PREX1: variants seen among roughly 807,000 people sequenced by gnomAD.
PREX1 encodes phosphatidylinositol-3,4,5-trisphosphate dependent Rac exchange factor 1, also known as phosphatidylinositol 3,4,5-trisphosphate-dependent Rac exchanger 1 protein.
PREX1 carries 41 observed loss-of-function variants against 198.3 expected under a neutral mutation model. That is an observed-to-expected ratio of 0.21 (90% CI 0.16 to 0.27). PREX1 has a LOEUF of 0.27. Among genes scored for constraint, PREX1 ranks in the 10% least tolerant of loss-of-function variants. The probability of loss-of-function intolerance (pLI) is 1.00; values close to 1 mark genes in which losing one functional copy is unlikely to be tolerated. For synonymous variants in PREX1, 843 were observed against 887.2 expected (o/e 0.95, Z 0.89); for missense variants, 1,620 against 2,200.7 (o/e 0.74, Z 5.28).
chr20:48,676,478 C>T (rs1424132014), intron 13 of PREX1, among the ~76,000 whole-genome samples: 1 of 152,218 alleles, frequency 6.6e-6, no homozygotes, highest in African/African-American at 2.4e-5. Flanking sequence ...CTCCTTCCAC[C>T]TACAGAGTGG....
intron 15 of PREX1, among the ~76,000 whole-genome samples, chr20:48,661,468 T>TATATATATATATATATACATATACAC (rs1373152651): frequency 2.0e-4 from 15 of 76,790 alleles, no homozygotes; most frequent in African/African-American, 1.5e-3. Context: ...TATATATATA[T>TATATATATATATATATACATATACAC]ACACACACAT....
intron 2 of PREX1, 69 bp downstream of exon 2, chr20:48,747,740 C>G: frequency 6.7e-7 from 1 of 1,489,446 alleles, no homozygotes; most frequent in Admixed American, 1.8e-5. Flanking sequence ...CTCTGAGCAT[C>G]GCACGGGAAG....
chr20:48,734,684 G>C (rs373692987), intron 3 of PREX1, 34 bp from the exon 4 acceptor site: 1 of 1,595,794 alleles, frequency 6.3e-7, no homozygotes, highest in African/African-American at 1.3e-5. Flanking sequence ...TGGGAGGCAG[G>C]TCATGGTAGC....
chr20:48,632,739 G>A lies in PREX1; in HGVS notation c.4268-100C>T, dbSNP rs566834761. ...AACAGCTGGCACCTCCCTGCCCCCA[G>A]GTCCAGGGGGGCACCCTGGGACCTC... On this transcript the variant is annotated intron_variant, in intron 33 of 39. Transcript: ENST00000371941. The A allele has an allele frequency of 7.3e-4, 975 of 1,337,006 alleles. 2 individuals are homozygous for A. The highest frequency in any genetic ancestry group is 1.5e-3 in the South Asian group (113 of 77,924). 82.8% of individuals were successfully genotyped at this position (1,337,006 alleles called of 1,614,324 possible).
At chr20:48,633,527 C>A (rs1055014661) in intron 33 of PREX1, among the ~76,000 whole-genome samples, 1 of 152,282 alleles carries the variant, frequency 6.6e-6, no homozygotes, top group Non-Finnish European at 1.5e-5. Flanking sequence ...CCTAATTAAA[C>A]CCACATGCCT....
intron 15 of PREX1, among the ~76,000 whole-genome samples, chr20:48,661,541 G>GTA (rs1304642368): frequency 1.6e-4 from 20 of 122,566 alleles, no homozygotes; most frequent in African/African-American, 2.5e-4. Flanking sequence ...GTGTGTGTGT[G>GTA]TGTATATATA....
At chr20:48,815,122 T>G (rs1282020959) in intron 1 of PREX1, among the ~76,000 whole-genome samples, 1 of 152,028 alleles carries the variant, frequency 6.6e-6, no homozygotes, top group East Asian at 1.9e-4. Context: ...CAAGAGAACT[T>G]TAAAATGCAA....
chr20:48,766,967 G>T (rs1006887757), intron 1 of PREX1, among the ~76,000 whole-genome samples: 4 of 152,200 alleles, frequency 2.6e-5, no homozygotes, highest in Non-Finnish European at 4.4e-5. Flanking sequence ...AATGATTTCA[G>T]ATGACTGATT....
intron 39 of PREX1, among the ~76,000 whole-genome samples, chr20:48,626,975 G>C (rs2089277692): frequency 6.6e-6 from 1 of 152,140 alleles, no homozygotes; most frequent in African/African-American, 2.4e-5. Context: ...TGAAGAGAGG[G>C]CAGGGTGGGA....
intron 38 of PREX1, 108 bp downstream of exon 38, chr20:48,627,753 G>T: frequency 1.4e-6 from 2 of 1,386,850 alleles, no homozygotes; most frequent in Non-Finnish European, 2.0e-6. Context: ...TTCAGAGAAG[G>T]CTCAGGTCTG....
chr20:48,872,990 T>C, the PREX1 span, among the ~76,000 whole-genome samples: 1 of 152,202 alleles, frequency 6.6e-6, no homozygotes, highest in Non-Finnish European at 1.5e-5. Flanking sequence ...AATAACACCA[T>C]GTACCAGTCA....
At chr20:48,704,059 T>A (rs945571666) in intron 6 of PREX1, among the ~76,000 whole-genome samples, 3 of 152,182 alleles carry the variant, frequency 2.0e-5, no homozygotes, top group African/African-American at 7.2e-5. Context: ...GGCGGCCACA[T>A]GCCACGCACT....
At chr20:48,747,665 C>G (rs1311674418) in intron 2 of PREX1, 144 bp downstream of exon 2, 3 of 871,000 alleles carry the variant, frequency 3.4e-6, no homozygotes, top group East Asian at 5.5e-5. Flanking sequence ...AGGGAGCAAG[C>G]TGGGGCAGGG....
At chr20:48,628,081 C>G in intron 37 of PREX1, 118 bp from the exon 38 acceptor site, 1 of 722,550 alleles carries the variant, frequency 1.4e-6, no homozygotes, top group Non-Finnish European at 2.3e-6. Context: ...CCTCCGAGGC[C>G]TCCCAGACCC....
chr20:48,817,272 C>A (rs544484248), intron 1 of PREX1, among the ~76,000 whole-genome samples: 1 of 152,334 alleles, frequency 6.6e-6, no homozygotes, highest in East Asian at 1.9e-4. Flanking sequence ...TCCCAACTGC[C>A]TTCAGAGTGC....
intron 31 of PREX1, 100 bp downstream of exon 31, chr20:48,637,611 C>G (rs1205338728): frequency 1.6e-6 from 2 of 1,239,846 alleles, no homozygotes; most frequent in East Asian, 5.2e-5. Flanking sequence ...CAGGCCAAAG[C>G]GTTGCCTCCC....
intron 29 of PREX1, among the ~76,000 whole-genome samples, chr20:48,640,493 C>T (rs1036324415): frequency 4.6e-5 from 7 of 152,192 alleles, no homozygotes; most frequent in African/African-American, 1.7e-4. Context: ...GCTGTTTCTG[C>T]TTTCTGAGGT....
Position 48,708,408 on chromosome 20 carries a change from C to G in PREX1, c.635G>C (p.Arg212Thr). The G allele has an allele frequency of 6.2e-7, 1 of 1,614,126 alleles. No homozygotes were observed. The highest frequency in any genetic ancestry group is 8.5e-7 in the Non-Finnish European group (1 of 1,180,012). ...YPLLLKELAKRTPGKHPDHPA... is the reference protein window; with the variant it reads ...YPLLLKELAKTTPGKHPDHPA... ...GTGGTCTGGGTGCTTGCCGGGAGTC[C>G]TCTTGGCCAGCTCCTGGGGTAGAAT... The change falls in exon 6 of 40, where the codon AGG (arginine) becomes ACG (threonine). Residue 212 changes from arginine (R) to threonine (T), a missense_variant. Transcript: ENST00000371941.
intron 5 of PREX1, among the ~76,000 whole-genome samples, chr20:48,725,304 C>T (rs1018243715): frequency 6.6e-5 from 10 of 152,248 alleles, no homozygotes; most frequent in South Asian, 2.1e-4. Flanking sequence ...GGACAGGCTC[C>T]GGCCAATAGC....
Sources: gnomAD v4.1 joint callset for allele counts (sites outside exome capture counted in the v4.1 genomes callset) on GRCh38, gnomAD v4.1.1 for gene constraint, MANE v1.5 for transcripts, NCBI Gene and HGNC (gene_info 2026-07-23, HGNC 2026-07-21) for gene names.